TBC1D1: variants seen among roughly 807,000 people sequenced by gnomAD.
The protein encoded by TBC1D1 is TBC1 (tre-2/USP6, BUB2, cdc16) domain family, member 1.
Under a neutral mutation model 125.6 loss-of-function variants are expected in TBC1D1, and 89 were observed. The observed-to-expected ratio is 0.71, with a 90% CI of 0.60 to 0.85. The LOEUF is 0.85. Among genes scored for constraint, TBC1D1 ranks in the 40% least tolerant of loss-of-function variants. The pLI is 0.00. For missense variants in TBC1D1, 1,377 were observed against 1,469.2 expected, an observed-to-expected ratio of 0.94 and a Z score of 1.03; for synonymous variants, 565 against 564.1, an observed-to-expected ratio of 1.00 and a Z score of -0.02.
intron 2 of TBC1D1, among the ~76,000 whole-genome samples, chr4:37,907,386 GT>G (rs980418593): frequency 2.6e-5 from 4 of 151,474 alleles, no homozygotes; most frequent in African/African-American, 7.3e-5. Context: ...CTATCTAGCA[GT>G]TTTTTTTTCT....
Position 38,018,109 on chromosome 4 carries a change from G to A in TBC1D1, c.883-245G>A, listed in dbSNP as rs116320723. ...TTTAGGGGGATGTGTGGATCTTGAG[G>A]CCTATTGCTAACTTTTGGATATCTG... On this transcript the variant is annotated intron_variant, in intron 3 of 19. Transcript: ENST00000261439. Among the ~76,000 whole-genome samples the A allele has an allele frequency of 8.9e-3, 1,362 of 152,258 alleles. 21 individuals are homozygous for A. Among genetic ancestry groups the A allele is most frequent in the African/African-American group, 0.031 (1,295 of 41,546 alleles).
At chr4:38,059,891 A>G (rs758549004) in intron 12 of TBC1D1, among the ~76,000 whole-genome samples, 9 of 152,062 alleles carry the variant, frequency 5.9e-5, no homozygotes, top group Non-Finnish European at 7.4e-5. Flanking sequence ...CCGCCCCCCA[A>G]CAGGCTCCAG....
At chr4:38,103,741 A>G (rs941967865) in intron 15 of TBC1D1, among the ~76,000 whole-genome samples, 4 of 152,206 alleles carry the variant, frequency 2.6e-5, no homozygotes, top group Non-Finnish European at 4.4e-5. Flanking sequence ...CTCAGATGGA[A>G]AGTATTTGGG....
chr4:38,038,830 C>T (rs892024433), intron 8 of TBC1D1, among the ~76,000 whole-genome samples: 1 of 151,790 alleles, frequency 6.6e-6, no homozygotes, highest in African/African-American at 2.4e-5. Context: ...CCTGTAGTCC[C>T]AGCTACTAGG....
At chr4:38,075,805 C>T (rs1328717466) in intron 12 of TBC1D1, among the ~76,000 whole-genome samples, 3 of 152,164 alleles carry the variant, frequency 2.0e-5, no homozygotes, top group Admixed American at 2.0e-4. Context: ...CACTTCAGGA[C>T]AGCTGTGCAA....
intron 8 of TBC1D1, among the ~76,000 whole-genome samples, chr4:38,043,590 C>CA (rs34854751): frequency 0.16 from 23,418 of 142,618 alleles, 2,024 homozygotes; most frequent in Middle Eastern, 0.2. Flanking sequence ...CACCCTGTCT[C>CA]AAAAAAAAAA....
At chr4:38,092,550 G>T (rs1220432180) in intron 13 of TBC1D1, among the ~76,000 whole-genome samples, 2 of 151,850 alleles carry the variant, frequency 1.3e-5, no homozygotes, top group African/African-American at 4.8e-5. Context: ...GGCCAATGTG[G>T]TGAAACCCTG....
intron 2 of TBC1D1, among the ~76,000 whole-genome samples, chr4:37,972,122 G>T (rs1361303561): frequency 6.6e-6 from 1 of 152,190 alleles, no homozygotes; most frequent in Admixed American, 6.5e-5. Context: ...TTTGAGCAAT[G>T]ACTATTCTGT....
At chr4:37,935,278 T>G (rs1032818271) in intron 2 of TBC1D1, among the ~76,000 whole-genome samples, 1 of 152,114 alleles carries the variant, frequency 6.6e-6, no homozygotes, top group African/African-American at 2.4e-5. Flanking sequence ...CCAGCTCAGA[T>G]CTCTGCACCA....
intron 2 of TBC1D1, among the ~76,000 whole-genome samples, chr4:37,927,133 A>G (rs1722294237): frequency 8.6e-6 from 1 of 116,702 alleles, no homozygotes; most frequent in African/African-American, 3.0e-5. Flanking sequence ...AAGAAAAGGA[A>G]AAAAAAAGAA....
intron 2 of TBC1D1, among the ~76,000 whole-genome samples, chr4:37,944,499 G>A (rs181199789): frequency 1.4e-4 from 22 of 152,284 alleles, no homozygotes; most frequent in Non-Finnish European, 2.5e-4. Flanking sequence ...CGAGCTTCCC[G>A]GCCGCTTTGT....
At chr4:38,001,335 G>C (rs1263922005) in intron 2 of TBC1D1, among the ~76,000 whole-genome samples, 1 of 152,170 alleles carries the variant, frequency 6.6e-6, no homozygotes, top group African/African-American at 2.4e-5. Flanking sequence ...GCCTCTTTGG[G>C]CCTGCCACCT....
At chr4:38,097,758 G>A (rs955490129) in intron 14 of TBC1D1, among the ~76,000 whole-genome samples, 7 of 152,334 alleles carry the variant, frequency 4.6e-5, no homozygotes, top group African/African-American at 1.7e-4. Context: ...GATTACAGAT[G>A]TGAGCCACTG....
chr4:38,061,262 G>A (rs755381726), intron 12 of TBC1D1, among the ~76,000 whole-genome samples: 1 of 151,890 alleles, frequency 6.6e-6, no homozygotes, highest in Non-Finnish European at 1.5e-5. Context: ...TTTCTCAGCC[G>A]TGGGCTCTAA....
At chr4:37,976,756 G>C (rs1367034577) in intron 2 of TBC1D1, among the ~76,000 whole-genome samples, 1 of 152,142 alleles carries the variant, frequency 6.6e-6, no homozygotes, top group Admixed American at 6.5e-5. Flanking sequence ...CCTTGGGAGA[G>C]AAGAAAACTA....
chr4:37,994,661 A>G (rs1273284984), intron 2 of TBC1D1, among the ~76,000 whole-genome samples: 1 of 152,050 alleles, frequency 6.6e-6, no homozygotes, highest in African/African-American at 2.4e-5. Context: ...GCATTTTATG[A>G]CCCTTGTTGC....
chr4:37,943,256 G>A (rs1188385221), intron 2 of TBC1D1, among the ~76,000 whole-genome samples: 42 of 149,180 alleles, frequency 2.8e-4, no homozygotes, highest in South Asian at 4.2e-4. Flanking sequence ...TTTCTCTCTG[G>A]CTGCCCTTAA....
At chr4:37,969,329 G>C (rs1560545940) in intron 2 of TBC1D1, among the ~76,000 whole-genome samples, 1 of 152,156 alleles carries the variant, frequency 6.6e-6, no homozygotes, top group Non-Finnish European at 1.5e-5. Flanking sequence ...CTATAGGCCA[G>C]TGCTTTATCT....
intron 15 of TBC1D1, among the ~76,000 whole-genome samples, chr4:38,103,526 G>C (rs1413929345): frequency 6.6e-6 from 1 of 152,204 alleles, no homozygotes; most frequent in African/African-American, 2.4e-5. Context: ...TTTAATTACA[G>C]GAGCCACTCC....
Sources: allele counts gnomAD v4.1 joint callset (sites outside exome capture counted in the v4.1 genomes callset), GRCh38; gene constraint gnomAD v4.1.1; transcripts MANE v1.5; gene names NCBI Gene and HGNC (gene_info 2026-07-23, HGNC 2026-07-21).